FRK: variants seen among roughly 807,000 people sequenced by gnomAD.
FRK encodes tyrosine-protein kinase FRK.
Under a neutral mutation model 56.4 loss-of-function variants are expected in FRK, and 51 were observed. That is an observed-to-expected ratio of 0.90 (90% CI 0.72 to 1.14). FRK has a LOEUF of 1.14. FRK is among the 50% of genes most tolerant of loss of function. The pLI is 0.00. For missense variants in FRK, 570 were observed against 601.4 expected, an observed-to-expected ratio of 0.95 and a Z score of 0.55; for synonymous variants, 245 against 217.9, an observed-to-expected ratio of 1.12 and a Z score of -1.10.
At chr6:116,048,735 C>T (rs1294915105) in intron 1 of FRK, among the ~76,000 whole-genome samples, 1 of 152,096 alleles carries the variant, frequency 6.6e-6, no homozygotes, top group Non-Finnish European at 1.5e-5. Flanking sequence ...TCCTCTTCTA[C>T]ATCTAATTTG....
the FRK span, among the ~76,000 whole-genome samples, chr6:116,094,293 G>C: frequency 6.6e-6 from 1 of 152,188 alleles, no homozygotes; most frequent in Non-Finnish European, 1.5e-5. Flanking sequence ...GCAAGCGCCA[G>C]CTCATGTCAT....
Position 116,060,226 on chromosome 6 carries a change from A to G in FRK, c.86T>C (p.Ile29Thr), listed in dbSNP as rs747664333. The change falls in exon 1 of 8, where the codon ATT becomes ACT. Residue 29 changes from isoleucine to threonine, a missense_variant. Ile to Thr is a moderately conservative substitution (Grantham distance 89). Coordinates refer to ENST00000606080, the MANE Select transcript of FRK (RefSeq NM_002031.3). ...LSTEADKSTV[I>T]ENPGALCSPQ... ...AGAGCAAAGGGCCCCTGGATTTTCA[A>G]TCACGGTTGACTTGTCTGCCTCCGT... The G allele has an allele frequency of 9.9e-6, 16 of 1,614,004 alleles. No homozygotes were observed. Among genetic ancestry groups the G allele is most frequent in the Admixed American group, 3.3e-5 (2 of 59,984 alleles).
chr6:116,062,656 G>T (rs1777665744), upstream of FRK, among the ~76,000 whole-genome samples: 1 of 152,180 alleles, frequency 6.6e-6, no homozygotes, highest in Non-Finnish European at 1.5e-5. Flanking sequence ...CAGTCATTGA[G>T]CAAGTGAGTG....
chr6:116,079,985 C>T, the FRK span, among the ~76,000 whole-genome samples: 26 of 152,034 alleles, frequency 1.7e-4, no homozygotes, highest in African/African-American at 5.8e-4. Context: ...AAAAGAAGAC[C>T]TATTAAATAA....
chr6:116,028,262 A>G (rs1026897190), intron 1 of FRK, among the ~76,000 whole-genome samples: 3 of 152,148 alleles, frequency 2.0e-5, no homozygotes, highest in Admixed American at 2.0e-4. Flanking sequence ...CTATACTAAT[A>G]AATTTAAATT....
chr6:116,060,400 T>G lies in FRK; in HGVS notation c.-89A>C. The stretch of plus-strand genomic sequence containing the variant: ...CTTATCTTCCTTCACCAGGCAACTT[T>G]GAAGTCAGCACCAACTCACCATACT... On this transcript the variant is annotated 5_prime_UTR_variant, in exon 1 of 8. Coordinates refer to ENST00000606080, the MANE Select transcript of FRK (RefSeq NM_002031.3). 9.8e-7 allele frequency: 1 copy of G among 1,019,252 alleles called. No homozygotes were observed. Among genetic ancestry groups the G allele is most frequent in the Non-Finnish European group, 1.5e-6 (1 of 684,488 alleles). 63.1% of individuals were successfully genotyped at this position (1,019,252 alleles called of 1,614,324 possible). A position where few individuals can be genotyped will look rare whatever the true frequency, so the allele number is the denominator to read the frequency against.
rs1045331464 is a variant in FRK, at chr6:115,932,363, C to G, written c.*10051G>C. ...AGATACTTTCCAGCATTTTTTTGAT[C>G]CTATGACACTGAATATTTGCATCAT... is the stretch of plus-strand genomic sequence containing the variant. On this transcript the variant is annotated 3_prime_UTR_variant, in exon 8 of 8. Transcript: ENST00000606080. 1.3e-5 allele frequency: 2 copies of G among 152,012 alleles called. No homozygotes were observed. The highest frequency in any genetic ancestry group is 4.8e-5 in the African/African-American group (2 of 41,380). The allele number at this position is 152,012 out of a possible 1,614,324, so 9.4% of individuals were successfully genotyped here. A position where few individuals can be genotyped will look rare whatever the true frequency, so the allele number is the denominator to read the frequency against.
In FRK at chr6:116,021,375, A is replaced by C. The variant is rs558758593; in HGVS notation, c.345-17377T>G. 3.9e-5 allele frequency among the ~76,000 whole-genome samples: 6 copies of C among 152,268 alleles called. No homozygotes were observed. In the South Asian group the frequency reaches 1.2e-3, roughly 32 times the overall value. ...ATGTATCATGAGGAAACGTTTCATA[A>C]TTGACATATATGATCAATATGTCAA... On this transcript the variant is annotated intron_variant, in intron 1 of 7. Coordinates refer to ENST00000606080, the MANE Select transcript of FRK (RefSeq NM_002031.3).
chr6:116,045,606 C>T (rs970848433), intron 1 of FRK, among the ~76,000 whole-genome samples: 13 of 152,044 alleles, frequency 8.6e-5, no homozygotes, highest in Admixed American at 6.6e-5. Context: ...AAGACTTAAA[C>T]GTAAGACCTA....
rs1772066873 is a variant in FRK at position 115,937,112 on chromosome 6, A to C, written c.*5302T>G. ...TTAGCCACAAAGGGAAGCCCATCAGACTAACAGAGGATCTCTCTGCAGACA... is the reference window on the plus strand; with the variant it reads ...TTAGCCACAAAGGGAAGCCCATCAGCCTAACAGAGGATCTCTCTGCAGACA... On this transcript the variant is annotated 3_prime_UTR_variant, in exon 8 of 8. Coordinates refer to ENST00000606080, the MANE Select transcript of FRK (RefSeq NM_002031.3). 6.6e-6 allele frequency: 1 copy of C among 152,252 alleles called. No individual in the cohort carries two copies. Among genetic ancestry groups the C allele is most frequent in the Admixed American group, 6.5e-5 (1 of 15,290 alleles). 9.4% of individuals were successfully genotyped at this position (152,252 alleles called of 1,614,324 possible). A position where few individuals can be genotyped will look rare whatever the true frequency, so the allele number is the denominator to read the frequency against.
chr6:116,092,305 A>T, the FRK span, among the ~76,000 whole-genome samples: 1 of 152,276 alleles, frequency 6.6e-6, no homozygotes, highest in South Asian at 2.1e-4. Flanking sequence ...TATCCATATG[A>T]TGAGAAGTAG....
chr6:115,959,345 T>G lies in FRK; in HGVS notation c.800-2735A>C, dbSNP rs1355116409. 5.9e-5 allele frequency among the ~76,000 whole-genome samples: 9 copies of G among 152,338 alleles called. No individual in the cohort carries two copies. The East Asian group carries it at 1.3e-3, about 23-fold the overall frequency. ...TTTAACATGAGAAATCTGACTTTTTTGTTGTCTTTTGACTTCCCAAAGGGC... is the reference window on the plus strand; with the variant it reads ...TTTAACATGAGAAATCTGACTTTTTGGTTGTCTTTTGACTTCCCAAAGGGC... On this transcript the variant is annotated intron_variant, in intron 4 of 7. Coordinates refer to ENST00000606080, the MANE Select transcript of FRK (RefSeq NM_002031.3).
At chr6:116,029,796 A>G (rs1776232664) in intron 1 of FRK, among the ~76,000 whole-genome samples, 1 of 152,088 alleles carries the variant, frequency 6.6e-6, no homozygotes, top group Non-Finnish European at 1.5e-5. Flanking sequence ...TCTATCAGTC[A>G]CCCCTTTTCC....
intron 5 of FRK, among the ~76,000 whole-genome samples, chr6:115,950,660 C>T (rs1409889679): frequency 6.6e-6 from 1 of 152,162 alleles, no homozygotes; most frequent in Non-Finnish European, 1.5e-5. Context: ...CCAGCAATCC[C>T]ATTGCTGGGT....
In FRK at chr6:115,934,814, GAA is replaced by G. The variant is rs1272904835; in HGVS notation, c.*7598_*7599del. On this transcript the variant is annotated 3_prime_UTR_variant, in exon 8 of 8. Coordinates refer to ENST00000606080, the MANE Select transcript of FRK (RefSeq NM_002031.3). ...TATATTTGATTTTGAAACCATCTTGGAAAAGTCTACCTAGTTATCTAATGAGA... is the reference window on the plus strand; with the variant it reads ...TATATTTGATTTTGAAACCATCTTGGAAGTCTACCTAGTTATCTAATGAGA... 6.6e-6 allele frequency: 1 copy of G among 151,800 alleles called. No homozygotes were observed. The highest frequency in any genetic ancestry group is 2.4e-5 in the African/African-American group (1 of 41,312). 9.4% of individuals were successfully genotyped at this position (151,800 alleles called of 1,614,324 possible). A position where few individuals can be genotyped will look rare whatever the true frequency, so the allele number is the denominator to read the frequency against.
At chr6:116,079,481 A>C in the FRK span, among the ~76,000 whole-genome samples, 5 of 151,382 alleles carry the variant, frequency 3.3e-5, no homozygotes, top group Non-Finnish European at 4.4e-5. Context: ...TTCTTCTTTG[A>C]GGCTTACTTC....
chr6:115,992,470 A>T lies in FRK; in HGVS notation c.466+11407T>A, dbSNP rs574711968. 6.6e-5 allele frequency among the ~76,000 whole-genome samples: 10 copies of T among 151,968 alleles called. No individual in the cohort carries two copies. In the East Asian group the frequency reaches 1.9e-3, roughly 29 times the overall value. ...GAGTAAATGTATGAATCAATGATTAAATGAATGGTTAAAAATAGTTCAAAG... is the reference window on the plus strand; with the variant it reads ...GAGTAAATGTATGAATCAATGATTATATGAATGGTTAAAAATAGTTCAAAG... On this transcript the variant is annotated intron_variant, in intron 2 of 7. Coordinates refer to ENST00000606080, the MANE Select transcript of FRK (RefSeq NM_002031.3).
chr6:115,945,695 T>C (rs919964277), intron 5 of FRK, among the ~76,000 whole-genome samples: 1 of 152,126 alleles, frequency 6.6e-6, no homozygotes, highest in African/African-American at 2.4e-5. Flanking sequence ...GAAAGGTCTA[T>C]CCATAGTTAT....
chr6:115,991,170 G>A (rs1348624380), intron 2 of FRK, among the ~76,000 whole-genome samples: 1 of 151,810 alleles, frequency 6.6e-6, no homozygotes, highest in Non-Finnish European at 1.5e-5. Context: ...GAGTCTTTTG[G>A]AGAAATCTTT....
Sources: gnomAD v4.1 joint callset for allele counts (sites outside exome capture counted in the v4.1 genomes callset) on GRCh38, gnomAD v4.1.1 for gene constraint, MANE v1.5 for transcripts, NCBI Gene and HGNC (gene_info 2026-07-23, HGNC 2026-07-21) for gene names.